The following CTNND2 variants were observed in gnomAD, a reference collection of about 807,000 sequenced individuals.
CTNND2 encodes catenin delta-2.
In CTNND2, 22 loss-of-function variants were observed where a neutral mutation model predicts 144.4. That is an observed-to-expected ratio of 0.15 (90% CI 0.11 to 0.22). The LOEUF (loss-of-function observed/expected upper bound fraction) is 0.22. Among genes scored for constraint, CTNND2 ranks in the 10% least tolerant of loss-of-function variants. The pLI, the probability that CTNND2 is intolerant of heterozygous loss-of-function variation, is 1.00. For synonymous variants in CTNND2, 751 were observed against 695.6 expected (o/e 1.08, Z -1.25); for missense variants, 1,353 against 1,618.8 (o/e 0.84, Z 2.82).
chr5:11,434,990 T>A (rs1182577865), intron 3 of CTNND2, among the ~76,000 whole-genome samples: 1 of 152,060 alleles, frequency 6.6e-6, no homozygotes, highest in East Asian at 1.9e-4. Flanking sequence ...AGGTTGTTTT[T>A]CTCCAATAAT....
At chr5:11,837,310 T>G (rs1007651928) in intron 1 of CTNND2, among the ~76,000 whole-genome samples, 8 of 152,270 alleles carry the variant, frequency 5.3e-5, no homozygotes, top group Non-Finnish European at 1.0e-4. Flanking sequence ...ATGATCTGTG[T>G]GGCTTCAGAA....
chr5:11,047,367 G>T (rs1473276227), intron 16 of CTNND2, among the ~76,000 whole-genome samples: 2 of 152,164 alleles, frequency 1.3e-5, no homozygotes, highest in Admixed American at 6.5e-5. Flanking sequence ...AATGCCTTTT[G>T]TATTGTTTTC....
At chr5:11,205,818 G>A (rs1737984454) in intron 10 of CTNND2, among the ~76,000 whole-genome samples, 1 of 152,140 alleles carries the variant, frequency 6.6e-6, no homozygotes, top group South Asian at 2.1e-4. Context: ...GAACCAAGAT[G>A]AGCTATGTTT....
At chr5:11,291,191 C>A (rs1305363784) in intron 9 of CTNND2, among the ~76,000 whole-genome samples, 4 of 152,194 alleles carry the variant, frequency 2.6e-5, no homozygotes, top group African/African-American at 4.8e-5. Context: ...CTAAAGGCAA[C>A]AGCCTAACCT....
chr5:11,705,392 AAAAAGC>A (rs1466176334), intron 2 of CTNND2, among the ~76,000 whole-genome samples: 3 of 152,250 alleles, frequency 2.0e-5, no homozygotes, highest in Non-Finnish European at 4.4e-5. Context: ...ATATAAGTGG[AAAAAGC>A]AAAAGGCAGA....
intron 16 of CTNND2, among the ~76,000 whole-genome samples, chr5:11,071,342 A>G (rs1184643702): frequency 6.6e-6 from 1 of 152,126 alleles, no homozygotes; most frequent in Non-Finnish European, 1.5e-5. Flanking sequence ...GTTCAAGACC[A>G]GTCTGGCCAG....
chr5:11,736,239 G>T (rs761685749), intron 1 of CTNND2, among the ~76,000 whole-genome samples: 19 of 152,154 alleles, frequency 1.2e-4, no homozygotes, highest in Non-Finnish European at 2.6e-4. Flanking sequence ...AAAAATATGG[G>T]ATTTAATAGG....
At chr5:11,615,787 A>T (rs1780551150) in intron 2 of CTNND2, among the ~76,000 whole-genome samples, 1 of 152,208 alleles carries the variant, frequency 6.6e-6, no homozygotes, top group South Asian at 2.1e-4. Flanking sequence ...CATTTATTCT[A>T]TGGCCTGGGA....
intron 1 of CTNND2, among the ~76,000 whole-genome samples, chr5:11,834,807 A>G (rs1794083401): frequency 6.6e-6 from 1 of 152,180 alleles, no homozygotes; most frequent in Non-Finnish European, 1.5e-5. Context: ...CCCTTTCAAC[A>G]TGATATCCCT....
chr5:11,626,383 T>C (rs1433376046), intron 2 of CTNND2, among the ~76,000 whole-genome samples: 1 of 152,212 alleles, frequency 6.6e-6, no homozygotes, highest in Non-Finnish European at 1.5e-5. Flanking sequence ...TGATATTTAG[T>C]AATGACGTAA....
At chr5:11,737,719 T>C (rs1787770122) in intron 1 of CTNND2, among the ~76,000 whole-genome samples, 1 of 152,084 alleles carries the variant, frequency 6.6e-6, no homozygotes, top group Non-Finnish European at 1.5e-5. Flanking sequence ...GGGAGGTGAT[T>C]AAGGTTAAAT....
intron 2 of CTNND2, among the ~76,000 whole-genome samples, chr5:11,697,555 C>A (rs1785198438): frequency 6.6e-6 from 1 of 152,064 alleles, no homozygotes. Flanking sequence ...CAGGACTGTC[C>A]CAAGGGCATG....
intron 2 of CTNND2, among the ~76,000 whole-genome samples, chr5:11,574,307 C>T (rs1777803715): frequency 1.3e-5 from 2 of 152,070 alleles, no homozygotes; most frequent in Non-Finnish European, 2.9e-5. Context: ...CCAATGTTGA[C>T]TCAATAAGGT....
chr5:11,253,860 G>A (rs915966206), intron 9 of CTNND2, among the ~76,000 whole-genome samples: 1 of 151,982 alleles, frequency 6.6e-6, no homozygotes, highest in African/African-American at 2.4e-5. Context: ...AAAATCTACT[G>A]GTTTGATTTG....
At chr5:11,860,836 T>C (rs1313859462) in intron 1 of CTNND2, among the ~76,000 whole-genome samples, 2 of 152,204 alleles carry the variant, frequency 1.3e-5, no homozygotes, top group East Asian at 1.9e-4. Context: ...CCCCTAAATA[T>C]TGCAAATATA....
intron 1 of CTNND2, among the ~76,000 whole-genome samples, chr5:11,750,890 A>C (rs906761194): frequency 6.6e-6 from 1 of 151,876 alleles, no homozygotes; most frequent in Non-Finnish European, 1.5e-5. Flanking sequence ...TGATAAATGA[A>C]CTATGACTAT....
At chr5:11,647,196 C>G (rs1020740153) in intron 2 of CTNND2, among the ~76,000 whole-genome samples, 1 of 152,122 alleles carries the variant, frequency 6.6e-6, no homozygotes, top group African/African-American at 2.4e-5. Flanking sequence ...ACTCAGCCAG[C>G]TTTCCTCAAA....
chr5:11,630,707 T>C (rs1275945527), intron 2 of CTNND2, among the ~76,000 whole-genome samples: 1 of 152,112 alleles, frequency 6.6e-6, no homozygotes, highest in Non-Finnish European at 1.5e-5. Flanking sequence ...ATCCCAGCAC[T>C]TTGGGAGGCC....
intron 1 of CTNND2, among the ~76,000 whole-genome samples, chr5:11,744,978 C>T (rs1186809778): frequency 6.6e-6 from 1 of 152,024 alleles, no homozygotes; most frequent in Admixed American, 6.6e-5. Context: ...TCAGGCGATC[C>T]ACCCACCTCG....
Sources: gnomAD v4.1 joint callset for allele counts (sites outside exome capture counted in the v4.1 genomes callset) on GRCh38, gnomAD v4.1.1 for gene constraint, MANE v1.5 for transcripts, NCBI Gene and HGNC (gene_info 2026-07-23, HGNC 2026-07-21) for gene names.